Variants in SMURF1 observed in about 807,000 individuals in gnomAD.
SMURF1 encodes E3 ubiquitin-protein ligase SMURF1.
A neutral mutation model predicts 98.0 loss-of-function variants in SMURF1; 44 were observed. That is an observed-to-expected ratio of 0.45 (90% CI 0.35 to 0.58). SMURF1 has a LOEUF of 0.58. Among genes scored for constraint, SMURF1 ranks in the 20% least tolerant of loss-of-function variants. SMURF1 has a pLI of 0.00. For missense variants in SMURF1, 687 were observed against 938.4 expected, an observed-to-expected ratio of 0.73 and a Z score of 3.50; for synonymous variants, 396 against 374.9, an observed-to-expected ratio of 1.06 and a Z score of -0.65.
intron 10 of SMURF1, 65 bp downstream of exon 10, chr7:99,047,619 T>C (rs893314319): frequency 1.7e-5 from 26 of 1,534,390 alleles, no homozygotes; most frequent in Non-Finnish European, 2.2e-5. Context: ...CATTTGAGAT[T>C]CCTTTGTCTG....
At position 99,030,283 on chromosome 7, in the gene SMURF1, C is replaced by A; in HGVS notation, c.*301G>T. 3.0e-6 allele frequency: 1 copy of A among 337,740 alleles called. No homozygotes were observed. Among genetic ancestry groups the A allele is most frequent in the Non-Finnish European group, 5.3e-6 (1 of 190,458 alleles). The allele number at this position is 337,740 out of a possible 1,614,324, so 20.9% of individuals were successfully genotyped here. The stretch of plus-strand genomic sequence containing the variant: ...CTCAGGGCTGTGAGCCTTATCACCA[C>A]ATGGGTTGCAACACAGCAGAATATC... On this transcript the variant is annotated 3_prime_UTR_variant, in exon 18 of 18. Coordinates refer to ENST00000361368, the MANE Select transcript of SMURF1 (RefSeq NM_181349.3).
intron 11 of SMURF1, among the ~76,000 whole-genome samples, chr7:99,043,724 G>C (rs1310613585): frequency 6.6e-6 from 1 of 152,190 alleles, no homozygotes; most frequent in Non-Finnish European, 1.5e-5. Flanking sequence ...CTAGGAACCG[G>C]GGATCAGCTG....
chr7:99,130,224 G>A (rs1467572090), intron 1 of SMURF1, among the ~76,000 whole-genome samples: 1 of 152,070 alleles, frequency 6.6e-6, no homozygotes, highest in African/African-American at 2.4e-5. Flanking sequence ...AGGCTGAGGC[G>A]GGCCAATCAG....
chr7:99,057,559 G>T lies in SMURF1; in HGVS notation c.204-8C>A. Reference sequence around the variant, plus strand: ...TCCGTTTTCCCAACATATCTGGAAAGAAAGTGCAAAACTCATTTTTAATTG... The same window carrying T: ...TCCGTTTTCCCAACATATCTGGAAATAAAGTGCAAAACTCATTTTTAATTG... On this transcript the variant is annotated splice_polypyrimidine_tract_variant and splice_region_variant and intron_variant, in intron 3 of 17. Transcript: ENST00000361368. 2 of 1,523,566 alleles carry T rather than the reference G, an allele frequency of 1.3e-6. No individual in the cohort carries two copies. 94.4% of individuals were successfully genotyped at this position (1,523,566 alleles called of 1,614,324 possible).
In SMURF1 at chr7:99,122,243, G is replaced by A. The variant is rs1204309352; in HGVS notation, c.55+21483C>T. 3.3e-5 allele frequency among the ~76,000 whole-genome samples: 5 copies of A among 151,448 alleles called. No individual in the cohort carries two copies. In the South Asian group the frequency reaches 6.2e-4, roughly 19 times the overall value. On this transcript the variant is annotated intron_variant, in intron 1 of 17. Coordinates refer to ENST00000361368, the MANE Select transcript of SMURF1 (RefSeq NM_181349.3). Reference sequence around the variant, plus strand: ...CTCAGGAGGCTGAGGCAGGAGAATCGCTTGAACCCGGGAGGCAGAGGTTGC... The same window carrying A: ...CTCAGGAGGCTGAGGCAGGAGAATCACTTGAACCCGGGAGGCAGAGGTTGC...
At chr7:99,041,670 G>T (rs368348097) in intron 12 of SMURF1, among the ~76,000 whole-genome samples, 1 of 152,228 alleles carries the variant, frequency 6.6e-6, no homozygotes, top group South Asian at 2.1e-4. Flanking sequence ...TGAGCTGGGC[G>T]TGCAAACACT....
chr7:99,077,425 C>G (rs1036730970), intron 1 of SMURF1, among the ~76,000 whole-genome samples: 2 of 151,512 alleles, frequency 1.3e-5, no homozygotes, highest in African/African-American at 4.9e-5. Context: ...CTCTGCCTCC[C>G]GGGTTCAAGT....
rs978677653 is a variant in SMURF1 at position 99,049,424 on chromosome 7, C to A, written c.953+139G>T. ...TAAGAGTTTAAAATATGCAATTATC[C>A]GCCAGATATTTAACATCATTTTGAC... On this transcript the variant is annotated intron_variant, in intron 9 of 17. Transcript: ENST00000361368. 6.8e-6 allele frequency: 6 copies of A among 884,094 alleles called. No individual in the cohort carries two copies. The East Asian group carries it at 1.3e-4, about 18-fold the overall frequency. 54.8% of individuals were successfully genotyped at this position (884,094 alleles called of 1,614,324 possible).
intron 1 of SMURF1, among the ~76,000 whole-genome samples, chr7:99,123,658 C>T (rs1797690847): frequency 6.6e-6 from 1 of 152,138 alleles, no homozygotes; most frequent in Non-Finnish European, 1.5e-5. Context: ...AAGCTTGCAT[C>T]ACTTCCCCTC....
chr7:99,083,733 C>G (rs932339793), intron 1 of SMURF1, among the ~76,000 whole-genome samples: 45 of 152,316 alleles, frequency 3.0e-4, no homozygotes, highest in African/African-American at 1.1e-3. Flanking sequence ...TTCAAACCCC[C>G]CCAAAATGCA....
At chr7:99,118,607 A>C (rs538292450) in intron 1 of SMURF1, among the ~76,000 whole-genome samples, 2 of 152,348 alleles carry the variant, frequency 1.3e-5, no homozygotes, top group Admixed American at 6.5e-5. Context: ...TAGGGACAGA[A>C]GCAGATTAGT....
At chr7:99,088,407 G>A (rs941909301) in intron 1 of SMURF1, among the ~76,000 whole-genome samples, 10 of 151,604 alleles carry the variant, frequency 6.6e-5, no homozygotes, top group South Asian at 2.1e-4. Context: ...TTACCCCTGC[G>A]CTTCCAGGCC....
At chr7:99,079,932 G>T (rs1796544967) in intron 1 of SMURF1, among the ~76,000 whole-genome samples, 1 of 151,622 alleles carries the variant, frequency 6.6e-6, no homozygotes, top group Non-Finnish European at 1.5e-5. Flanking sequence ...AATAGTGCAG[G>T]TTAATGAAAG....
rs371884669 is a variant in SMURF1 at position 99,045,753 on chromosome 7, G to A, written c.1201C>T (p.Arg401Trp). 5 of 1,614,178 alleles carry A rather than the reference G, an allele frequency of 3.1e-6. No homozygotes were observed. Among genetic ancestry groups the A allele is most frequent in the Admixed American group, 1.7e-5 (1 of 60,014 alleles). The change falls in exon 11 of 18, where the codon CGG becomes TGG. Residue 401 changes from arginine (R) to tryptophan (W), a missense_variant. This residue lies in a region of SMURF1 where 272 missense variants were observed against 430.0 expected (regional missense o/e 0.63). Coordinates refer to ENST00000361368, the MANE Select transcript of SMURF1 (RefSeq NM_181349.3). The part of the protein sequence containing the change: ...MKMRPKDLKK[R>W]LMVKFRGEEG... ...TCCCCACGGAATTTCACCATCAGCCGTTTTTTCAAGTCTTTCGGTCGCATC... is the reference window on the plus strand; with the variant it reads ...TCCCCACGGAATTTCACCATCAGCCATTTTTTCAAGTCTTTCGGTCGCATC...
rs181182726 is a variant in SMURF1, at chr7:99,068,215, T to G, written c.56-6378A>C. 1.5e-3 allele frequency among the ~76,000 whole-genome samples: 221 copies of G among 152,322 alleles called. 1 individual carries two copies. Among genetic ancestry groups the G allele is most frequent in the African/African-American group, 5.1e-3 (213 of 41,582 alleles). ...TATTTTTATACCCACTCTCTTCTTC[T>G]TGGCATCACCTATGCACAACTGTGC... On this transcript the variant is annotated intron_variant, in intron 1 of 17. Coordinates refer to ENST00000361368, the MANE Select transcript of SMURF1 (RefSeq NM_181349.3).
At position 99,060,625 on chromosome 7, in the gene SMURF1, G is replaced by A. The variant is rs776666222; in HGVS notation, c.177C>T (p.Asp59=). 1 of 1,613,566 alleles carries A rather than the reference G, an allele frequency of 6.2e-7. No homozygotes were observed. Among genetic ancestry groups the A allele is most frequent in the Non-Finnish European group, 8.5e-7 (1 of 1,179,842 alleles). Residue 59 remains aspartate (D), a synonymous_variant, in exon 3 of 18, where the codon GAC becomes GAT. Coordinates refer to ENST00000361368, the MANE Select transcript of SMURF1 (RefSeq NM_181349.3). ...HSTDTVKNTL[D]PKWNQHYDLY... ...GATCATAGTGCTGGTTCCACTTTGGGTCCAATGTGTTTTTCACAGTGTCGG... is the reference window on the plus strand; with the variant it reads ...GATCATAGTGCTGGTTCCACTTTGGATCCAATGTGTTTTTCACAGTGTCGG...
intron 1 of SMURF1, among the ~76,000 whole-genome samples, chr7:99,066,714 G>A (rs1392724155): frequency 6.6e-6 from 1 of 151,186 alleles, no homozygotes; most frequent in African/African-American, 2.4e-5. Flanking sequence ...GGGAGGTCGA[G>A]ACTGCAGTGA....
chr7:99,083,260 T>C (rs1242868799), intron 1 of SMURF1, among the ~76,000 whole-genome samples: 1 of 152,206 alleles, frequency 6.6e-6, no homozygotes, highest in African/African-American at 2.4e-5. Flanking sequence ...GAGAGAACCT[T>C]GTTAACTAGA....
At chr7:99,054,207 G>A (rs572010015) in intron 6 of SMURF1, among the ~76,000 whole-genome samples, 223 of 152,236 alleles carry the variant, frequency 1.5e-3, no homozygotes, top group African/African-American at 4.9e-3. Flanking sequence ...AAAGTGCTGG[G>A]ATTACAGGCA....
Sources: allele counts gnomAD v4.1 joint callset (sites outside exome capture counted in the v4.1 genomes callset), GRCh38; gene constraint gnomAD v4.1.1; regional missense constraint gnomAD v4.1.1; transcripts MANE v1.5; gene names NCBI Gene and HGNC (gene_info 2026-07-23, HGNC 2026-07-21).